ADAMTS7: variants seen among roughly 807,000 people sequenced by gnomAD.
The protein encoded by ADAMTS7 is ADAM metallopeptidase with thrombospondin type 1 motif 7.
Under a neutral mutation model 172.6 loss-of-function variants are expected in ADAMTS7, and 89 were observed. The observed-to-expected ratio is 0.52, with a 90% CI of 0.43 to 0.61. The LOEUF (loss-of-function observed/expected upper bound fraction) is 0.61. Ranked by LOEUF, ADAMTS7 falls within the 20% of genes least tolerant of loss-of-function variation. ADAMTS7 has a pLI of 0.00. For synonymous variants in ADAMTS7, 885 were observed against 978.4 expected (o/e 0.90, Z 1.78); for missense variants, 1,973 against 2,355.6 (o/e 0.84, Z 3.36).
rs2055600280 is a variant in ADAMTS7, at chr15:78,792,952, G to GA, written c.820-1730dup. Among the ~76,000 whole-genome samples, 3 of 152,242 alleles carry GA rather than the reference G, an allele frequency of 2.0e-5. No homozygotes were observed. In the South Asian group the frequency reaches 6.2e-4, roughly 31 times the overall value. ...CTCAGGTCTGAGTCTAGCACGGGGA[G>GA]AATGCTGATAAATTGGGGTCTGTAG... On this transcript the variant is annotated intron_variant, in intron 4 of 23. Coordinates refer to ENST00000388820, the MANE Select transcript of ADAMTS7 (RefSeq NM_014272.5).
chr15:78,776,166 G>T, intron 11 of ADAMTS7, 22 bp downstream of exon 11: 1 of 1,595,478 alleles, frequency 6.3e-7, no homozygotes, highest in Non-Finnish European at 8.6e-7. Context: ...CTGCCCAAGG[G>T]CACCCTGGGC....
intron 16 of ADAMTS7, among the ~76,000 whole-genome samples, chr15:78,770,408 TAA>T (rs1195559556): frequency 7.1e-6 from 1 of 141,774 alleles, no homozygotes; most frequent in African/African-American, 2.7e-5. Context: ...AGGGGAGAAC[TAA>T]GAGACAAAGG....
Position 78,766,822 on chromosome 15 carries a change from G to A in ADAMTS7, c.3089C>T (p.Pro1030Leu). ...TGGCTTGGGTGATGAGGCGGGTGAA[G>A]GGCGTGGGGCCAGGTGGTGCGGGAT... ...DFIPHHLAPR[P>L]SPASSPKPGT... The change falls in exon 19 of 24, where the codon CCT (proline) becomes CTT (leucine). Residue 1030 changes from proline (P) to leucine (L), a missense_variant. Physicochemically the swap from Pro to Leu is moderately conservative, Grantham distance 98. Around this residue, in one of 8 missense-constraint regions of ADAMTS7, gnomAD observed 771 missense variants for 952.6 expected, o/e 0.81. Coordinates refer to ENST00000388820, the MANE Select transcript of ADAMTS7 (RefSeq NM_014272.5). 1 of 1,610,088 alleles carries A rather than the reference G, an allele frequency of 6.2e-7. No individual in the cohort carries two copies. The highest frequency in any genetic ancestry group is 2.2e-5 in the East Asian group (1 of 44,878).
intron 16 of ADAMTS7, among the ~76,000 whole-genome samples, chr15:78,769,440 C>T (rs1167689766): frequency 1.3e-5 from 2 of 152,246 alleles, no homozygotes; most frequent in South Asian, 2.1e-4. Context: ...CTGCTGAAAA[C>T]ACACCCCACT....
At chr15:78,761,891 C>T (rs1287479303) in intron 23 of ADAMTS7, 5 of 985,348 alleles carry the variant, frequency 5.1e-6, no homozygotes, top group Non-Finnish European at 6.0e-6. Flanking sequence ...GGAAGGGAGG[C>T]CCTTCCTGCC....
intron 8 of ADAMTS7, among the ~76,000 whole-genome samples, chr15:78,782,763 C>T (rs1257278276): frequency 6.6e-6 from 1 of 151,910 alleles, no homozygotes; most frequent in Non-Finnish European, 1.5e-5. Context: ...CCAGGGACCC[C>T]TCAGGGCCTT....
chr15:78,791,035 G>A (rs1214417001), intron 5 of ADAMTS7, 105 bp downstream of exon 5: 12 of 1,372,166 alleles, frequency 8.7e-6, no homozygotes, highest in East Asian at 6.9e-5. Flanking sequence ...AGGCCAAGGC[G>A]GCCTTCACTG....
At chr15:78,784,205 A>G (rs920445932) in intron 8 of ADAMTS7, among the ~76,000 whole-genome samples, 1 of 151,976 alleles carries the variant, frequency 6.6e-6, no homozygotes, top group African/African-American at 2.4e-5. Flanking sequence ...AAAAAATTAA[A>G]AATTAAAAAA....
chr15:78,774,044 G>A (rs2055296746), intron 13 of ADAMTS7, 123 bp downstream of exon 13: 1 of 1,470,672 alleles, frequency 6.8e-7, no homozygotes, highest in Non-Finnish European at 9.1e-7. Flanking sequence ...AGGGACCCAG[G>A]AGAGAACCTG....
At chr15:78,793,996 C>T (rs573075314) in intron 4 of ADAMTS7, among the ~76,000 whole-genome samples, 103 of 152,086 alleles carry the variant, frequency 6.8e-4, no homozygotes, top group African/African-American at 2.3e-3. Flanking sequence ...GGAGTGGTGG[C>T]TCAAGCCTGT....
At chr15:78,787,803 C>T (rs534761597) in intron 8 of ADAMTS7, among the ~76,000 whole-genome samples, 1 of 152,284 alleles carries the variant, frequency 6.6e-6, no homozygotes, top group South Asian at 2.1e-4. Context: ...TGTCCCTCAC[C>T]TCCTCCAGCT....
intron 23 of ADAMTS7, among the ~76,000 whole-genome samples, chr15:78,760,281 C>T (rs1399362826): frequency 6.6e-6 from 1 of 152,190 alleles, no homozygotes; most frequent in Non-Finnish European, 1.5e-5. Flanking sequence ...GTTATCAGAG[C>T]TATTTTGGGA....
intron 1 of ADAMTS7, among the ~76,000 whole-genome samples, chr15:78,804,627 A>G (rs113589097): frequency 2.4e-3 from 355 of 147,842 alleles, no homozygotes; most frequent in African/African-American, 8.3e-3. Context: ...TGCCCTGCAC[A>G]TGCCAGTGCT....
rs181355383 is a variant in ADAMTS7 at position 78,778,664 on chromosome 15, G to T, written c.1323-1076C>A. Among the ~76,000 whole-genome samples, 878 of 152,268 alleles carry T rather than the reference G, an allele frequency of 5.8e-3. 10 individuals carry two copies. The highest frequency in any genetic ancestry group is 9.1e-3 in the Non-Finnish European group (619 of 68,008). ...GAAACAATGGAGGGAGGCAGGACCCGCGGGACCTGGGGCCTCTAGCCAGGC... is the reference window on the plus strand; with the variant it reads ...GAAACAATGGAGGGAGGCAGGACCCTCGGGACCTGGGGCCTCTAGCCAGGC... On this transcript the variant is annotated intron_variant, in intron 8 of 23. Coordinates refer to ENST00000388820, the MANE Select transcript of ADAMTS7 (RefSeq NM_014272.5).
At chr15:78,773,042 G>A (rs28577997) in intron 14 of ADAMTS7, 41 bp downstream of exon 14, 189,992 of 1,255,276 alleles carry the variant, frequency 0.15, 31,654 homozygotes, top group African/African-American at 0.39. Flanking sequence ...GGGCCATCAG[G>A]TGAAGAGCAT....
intron 17 of ADAMTS7, 35 bp downstream of exon 17, chr15:78,768,098 G>C: frequency 6.6e-7 from 1 of 1,515,832 alleles, no homozygotes; most frequent in Non-Finnish European, 8.9e-7. Flanking sequence ...CGGGGGATGG[G>C]GTGGGGAGTT....
At chr15:78,759,950 G>C (rs933898682) in intron 23 of ADAMTS7, among the ~76,000 whole-genome samples, 8 of 152,132 alleles carry the variant, frequency 5.3e-5, no homozygotes, top group African/African-American at 1.9e-4. Context: ...ACAGAACTGC[G>C]GTCCCGGGGC....
intron 13 of ADAMTS7, among the ~76,000 whole-genome samples, chr15:78,773,509 G>A (rs923181656): frequency 4.0e-5 from 6 of 151,810 alleles, no homozygotes; most frequent in Admixed American, 6.6e-5. Context: ...GATCTGACAC[G>A]CCACGGGCTC....
At chr15:78,763,593 A>G (rs2055085236) in intron 22 of ADAMTS7, 106 bp downstream of exon 22, 2 of 1,383,172 alleles carry the variant, frequency 1.4e-6, no homozygotes, top group African/African-American at 1.5e-5. Context: ...CAGGGCCACA[A>G]AGAGCCTGGC....
Sources: gnomAD v4.1 joint callset for allele counts (sites outside exome capture counted in the v4.1 genomes callset) on GRCh38, gnomAD v4.1.1 for gene constraint, gnomAD v4.1.1 regional missense constraint, MANE v1.5 for transcripts, NCBI Gene and HGNC (gene_info 2026-07-23, HGNC 2026-07-21) for gene names.